The following LINGO2 variants were observed in gnomAD, a reference collection of about 807,000 sequenced individuals.
LINGO2 encodes leucine rich repeat and Ig domain containing 2.
Under a neutral mutation model 30.6 loss-of-function variants are expected in LINGO2, and 14 were observed. The ratio of observed to expected loss-of-function variants is 0.46; its 90% CI spans 0.30 to 0.72. LINGO2 has a LOEUF of 0.72. Among genes scored for constraint, LINGO2 ranks in the 30% least tolerant of loss-of-function variants. LINGO2 has a pLI of 0.07. For missense variants in LINGO2, 729 were observed against 751.7 expected, an observed-to-expected ratio of 0.97 and a Z score of 0.35; for synonymous variants, 317 against 288.5, an observed-to-expected ratio of 1.10 and a Z score of -1.00.
At chr9:29,179,891 T>A in the LINGO2 span, among the ~76,000 whole-genome samples, 1 of 152,230 alleles carries the variant, frequency 6.6e-6, no homozygotes, top group Non-Finnish European at 1.5e-5. Context: ...ATTGCTATAA[T>A]AGGAACTTCT....
At chr9:29,056,572 G>C in the LINGO2 span, among the ~76,000 whole-genome samples, 1 of 152,014 alleles carries the variant, frequency 6.6e-6, no homozygotes, top group East Asian at 1.9e-4. Context: ...TATTTCTTTT[G>C]CTCTGCAGAA....
At chr9:28,807,473 T>C in the LINGO2 span, among the ~76,000 whole-genome samples, 6 of 152,206 alleles carry the variant, frequency 3.9e-5, no homozygotes, top group Admixed American at 3.3e-4. Flanking sequence ...AGTTCAAGCA[T>C]AGTAACTGAA....
At chr9:27,994,255 A>G (rs1821543551) in intron 5 of LINGO2, among the ~76,000 whole-genome samples, 1 of 152,136 alleles carries the variant, frequency 6.6e-6, no homozygotes, top group Non-Finnish European at 1.5e-5. Flanking sequence ...AAAAGTGAGA[A>G]CAAACCAAAC....
the LINGO2 span, among the ~76,000 whole-genome samples, chr9:29,164,107 GA>G: frequency 0.011 from 1,626 of 144,480 alleles, 14 homozygotes; most frequent in African/African-American, 0.028. Context: ...CTACATGGAG[GA>G]AAAAAAAAAA....
At chr9:29,045,500 GA>G in the LINGO2 span, among the ~76,000 whole-genome samples, 2 of 151,082 alleles carry the variant, frequency 1.3e-5, no homozygotes, top group Non-Finnish European at 3.0e-5. Context: ...GCAATACAAA[GA>G]GACATAAAAG....
intron 1 of LINGO2, among the ~76,000 whole-genome samples, chr9:28,549,782 A>G (rs931813482): frequency 1.3e-5 from 2 of 151,662 alleles, no homozygotes; most frequent in Non-Finnish European, 1.5e-5. Context: ...GATAAATTTT[A>G]TTTGTCAATT....
intron 2 of LINGO2, among the ~76,000 whole-genome samples, chr9:28,373,089 T>C (rs1197872109): frequency 2.6e-5 from 4 of 152,150 alleles, no homozygotes; most frequent in African/African-American, 4.8e-5. Flanking sequence ...TTTGTCATAA[T>C]TTGCTTTTTA....
chr9:28,233,869 C>A (rs537881917), intron 4 of LINGO2, among the ~76,000 whole-genome samples: 1 of 152,094 alleles, frequency 6.6e-6, no homozygotes, highest in South Asian at 2.1e-4. Flanking sequence ...AAGTGAAGGG[C>A]CTGGTCTTGG....
At chr9:28,084,137 A>C (rs2133231128) in intron 4 of LINGO2, among the ~76,000 whole-genome samples, 1 of 152,266 alleles carries the variant, frequency 6.6e-6, no homozygotes, top group Middle Eastern at 3.4e-3. Context: ...AGGCAACCAT[A>C]TATACAGCCC....
chr9:29,175,354 T>C, the LINGO2 span, among the ~76,000 whole-genome samples: 2 of 152,160 alleles, frequency 1.3e-5, no homozygotes, highest in African/African-American at 4.8e-5. Flanking sequence ...GATATAAAAA[T>C]ATTACTATAT....
intron 1 of LINGO2, among the ~76,000 whole-genome samples, chr9:28,637,956 G>T (rs1827365555): frequency 1.3e-5 from 2 of 152,108 alleles, no homozygotes; most frequent in Admixed American, 6.6e-5. Flanking sequence ...TTGGCTGTGG[G>T]TTTGTCATAG....
At position 28,051,125 on chromosome 9, in the gene LINGO2, C is replaced by G. The variant is rs1199376189; in HGVS notation, c.-86-38720G>C. On this transcript the variant is annotated intron_variant, in intron 4 of 5. Transcript: ENST00000379992. ...CCTACACAGGATGCTATGTGAAAAC[C>G]ATTTCAGAAGAGTTCTGGCTGTGGT... Among the ~76,000 whole-genome samples the G allele has an allele frequency of 2.7e-5, 4 of 150,806 alleles. 2 individuals carry two copies. Among genetic ancestry groups the G allele is most frequent in the African/African-American group, 9.8e-5 (4 of 40,768 alleles).
the LINGO2 span, among the ~76,000 whole-genome samples, chr9:28,815,328 C>A: frequency 6.6e-6 from 1 of 152,162 alleles, no homozygotes; most frequent in Non-Finnish European, 1.5e-5. Flanking sequence ...AGTAAGAGAT[C>A]TGGCTGAGAG....
chr9:28,990,143 G>C, the LINGO2 span, among the ~76,000 whole-genome samples: 6 of 151,908 alleles, frequency 3.9e-5, no homozygotes, highest in African/African-American at 1.4e-4. Context: ...CCTAGTCAAA[G>C]AAAGGGGTGA....
intron 1 of LINGO2, among the ~76,000 whole-genome samples, chr9:28,594,515 G>T (rs541974764): frequency 6.6e-6 from 1 of 152,122 alleles, no homozygotes; most frequent in Non-Finnish European, 1.5e-5. Flanking sequence ...TTTCATTTAC[G>T]CTTGCACTTG....
the LINGO2 span, among the ~76,000 whole-genome samples, chr9:29,154,789 A>G: frequency 2.0e-5 from 3 of 152,204 alleles, no homozygotes; most frequent in African/African-American, 7.2e-5. Context: ...AGTAGAAAAT[A>G]TTTATTTGTA....
chr9:28,942,706 T>C, the LINGO2 span, among the ~76,000 whole-genome samples: 1 of 152,216 alleles, frequency 6.6e-6, no homozygotes, highest in East Asian at 1.9e-4. Flanking sequence ...TTTATGCTAT[T>C]ACTGTATACT....
the LINGO2 span, among the ~76,000 whole-genome samples, chr9:28,675,922 T>TATATATATATATAC: frequency 1.5e-5 from 2 of 132,046 alleles, no homozygotes; most frequent in South Asian, 4.5e-4. Context: ...TATATATATA[T>TATATATATATATAC]ATACATACAC....
intron 1 of LINGO2, among the ~76,000 whole-genome samples, chr9:28,497,927 A>C (rs1819708014): frequency 6.6e-6 from 1 of 152,196 alleles, no homozygotes; most frequent in African/African-American, 2.4e-5. Flanking sequence ...GGTCCATTCC[A>C]GACCCTGTTT....
Sources: allele counts gnomAD v4.1 joint callset (sites outside exome capture counted in the v4.1 genomes callset), GRCh38; gene constraint gnomAD v4.1.1; transcripts MANE v1.5; gene names NCBI Gene and HGNC (gene_info 2026-07-23, HGNC 2026-07-21).